CLVS1: variants seen among roughly 807,000 people sequenced by gnomAD.
CLVS1 encodes clavesin-1.
In CLVS1, 10 loss-of-function variants were observed where a neutral mutation model predicts 33.1. The observed-to-expected ratio is 0.30, with a 90% CI of 0.19 to 0.51. CLVS1 has a LOEUF of 0.51. Ranked by LOEUF, CLVS1 falls within the 20% of genes least tolerant of loss-of-function variation. The pLI is 0.97. For missense variants in CLVS1, 343 were observed against 433.4 expected, an observed-to-expected ratio of 0.79 and a Z score of 1.85; for synonymous variants, 163 against 166.1, an observed-to-expected ratio of 0.98 and a Z score of 0.14.
At chr8:61,364,182 GC>G (rs1381534620) in intron 2 of CLVS1, among the ~76,000 whole-genome samples, 2 of 152,134 alleles carry the variant, frequency 1.3e-5, no homozygotes, top group African/African-American at 4.8e-5. Flanking sequence ...TTACTTGTTA[GC>G]CACCACTAGG....
intron 2 of CLVS1, among the ~76,000 whole-genome samples, chr8:61,214,727 A>G (rs1808048887): frequency 1.3e-5 from 2 of 152,198 alleles, no homozygotes; most frequent in South Asian, 2.1e-4. Context: ...AACTTTTTGC[A>G]CCTGATTTCA....
intron 1 of CLVS1, among the ~76,000 whole-genome samples, chr8:61,116,073 G>A (rs1279250522): frequency 6.6e-6 from 1 of 151,322 alleles, no homozygotes; most frequent in Non-Finnish European, 1.5e-5. Context: ...CATTCTAACT[G>A]GTGTGAGATG....
chr8:61,091,879 T>G (rs1805256168), intron 1 of CLVS1, among the ~76,000 whole-genome samples: 2 of 152,188 alleles, frequency 1.3e-5, no homozygotes, highest in African/African-American at 4.8e-5. Flanking sequence ...GGTTAAAACT[T>G]GTGAGGTGTG....
the CLVS1 span, chr8:60,967,787 T>C: frequency 4.5e-6 from 2 of 441,528 alleles, no homozygotes; most frequent in South Asian, 1.6e-5. Flanking sequence ...TTTCCTCTTA[T>C]GAGTACTCAG....
At chr8:61,066,588 C>A (rs927015494) in intron 1 of CLVS1, among the ~76,000 whole-genome samples, 5 of 152,194 alleles carry the variant, frequency 3.3e-5, no homozygotes, top group Admixed American at 6.5e-5. Context: ...TTCTCTACCC[C>A]ACCTCCTCCC....
the CLVS1 span, among the ~76,000 whole-genome samples, chr8:61,027,597 G>A: frequency 6.6e-6 from 1 of 151,990 alleles, no homozygotes; most frequent in Non-Finnish European, 1.5e-5. Context: ...AGTCTTTAAG[G>A]TCAAGTTCAA....
At chr8:61,445,815 A>G (rs1189424519) in intron 3 of CLVS1, among the ~76,000 whole-genome samples, 2 of 152,174 alleles carry the variant, frequency 1.3e-5, no homozygotes, top group African/African-American at 2.4e-5. Flanking sequence ...TTCTTGGTAG[A>G]TTTATAAATC....
intron 1 of CLVS1, among the ~76,000 whole-genome samples, chr8:61,110,455 A>G (rs1805606454): frequency 6.6e-6 from 1 of 152,010 alleles, no homozygotes; most frequent in Non-Finnish European, 1.5e-5. Flanking sequence ...ATGAATGTGG[A>G]TTTTCCCCCT....
chr8:61,380,839 C>T (rs113959959), intron 3 of CLVS1, among the ~76,000 whole-genome samples: 1 of 152,048 alleles, frequency 6.6e-6, no homozygotes, highest in South Asian at 2.1e-4. Flanking sequence ...TCACTGCAGC[C>T]CAGTGATTAC....
intron 1 of CLVS1, among the ~76,000 whole-genome samples, chr8:61,121,245 G>T (rs901349870): frequency 1.3e-5 from 2 of 152,094 alleles, no homozygotes; most frequent in Non-Finnish European, 2.9e-5. Flanking sequence ...CTCACGGTGC[G>T]CGCACCCACT....
upstream of CLVS1, among the ~76,000 whole-genome samples, chr8:61,053,281 T>C (rs1286306913): frequency 6.6e-6 from 1 of 151,958 alleles, no homozygotes; most frequent in African/African-American, 2.4e-5. Flanking sequence ...ACCACTGGAG[T>C]GCAGGTAGAG....
At chr8:61,224,115 T>G (rs1808279409) in intron 2 of CLVS1, among the ~76,000 whole-genome samples, 1 of 152,202 alleles carries the variant, frequency 6.6e-6, no homozygotes, top group South Asian at 2.1e-4. Context: ...TTAGACCATG[T>G]GCCTTTAGCT....
At chr8:61,009,101 C>G in the CLVS1 span, among the ~76,000 whole-genome samples, 1 of 152,008 alleles carries the variant, frequency 6.6e-6, no homozygotes, top group Non-Finnish European at 1.5e-5. Flanking sequence ...GTTACACATA[C>G]CATTAGTATA....
chr8:61,282,292 C>T (rs926507335), intron 2 of CLVS1, among the ~76,000 whole-genome samples: 5 of 151,910 alleles, frequency 3.3e-5, no homozygotes, highest in Non-Finnish European at 7.4e-5. Flanking sequence ...GTAGCAGAGG[C>T]CATAATTAAG....
the CLVS1 span, among the ~76,000 whole-genome samples, chr8:60,990,125 CAAAAAAAAAAAAA>C: frequency 1.0e-4 from 4 of 38,306 alleles, no homozygotes; most frequent in African/African-American, 2.0e-4. Context: ...ACTCCATCTC[CAAAAAAAAAAAAA>C]AAAAAAAAAA....
At chr8:61,074,009 CAA>C (rs35959369) in intron 1 of CLVS1, among the ~76,000 whole-genome samples, 9,188 of 70,208 alleles carry the variant, frequency 0.13, 280 homozygotes, top group Middle Eastern at 0.21. Flanking sequence ...GACTCCGTCT[CAA>C]AAAAAAAAAA....
In CLVS1 at chr8:61,414,407, T is replaced by G. The variant is rs1015208830; in HGVS notation, c.630+37628T>G. On this transcript the variant is annotated intron_variant, in intron 3 of 5. Transcript: ENST00000325897. The stretch of plus-strand genomic sequence containing the variant: ...CTTCACTTGGAATTTACCGAAATTG[T>G]TTTTTTTTTTTCATATTTTTCCATT... Among the ~76,000 whole-genome samples the G allele has an allele frequency of 2.1e-4, 12 of 56,142 alleles. No homozygotes were observed. In the South Asian group the frequency reaches 2.8e-3, roughly 13 times the overall value. 36.8% of individuals were successfully genotyped at this position (56,142 alleles called of 152,430 possible).
chr8:60,995,752 G>T, the CLVS1 span, among the ~76,000 whole-genome samples: 1 of 152,134 alleles, frequency 6.6e-6, no homozygotes, highest in South Asian at 2.1e-4. Flanking sequence ...GCAAAGACTT[G>T]GAACCAACCC....
At chr8:61,086,033 C>CTTTTTT in intron 1 of CLVS1, among the ~76,000 whole-genome samples, 1 of 81,998 alleles carries the variant, frequency 1.2e-5, no homozygotes, top group Non-Finnish European at 2.2e-5. Context: ...GAGACTCCCT[C>CTTTTTT]TCAAAAAAAA....
Sources: allele counts gnomAD v4.1 joint callset (sites outside exome capture counted in the v4.1 genomes callset), GRCh38; gene constraint gnomAD v4.1.1; transcripts MANE v1.5; gene names NCBI Gene and HGNC (gene_info 2026-07-23, HGNC 2026-07-21).